The following PSG4 variants were observed in gnomAD, a reference collection of about 807,000 sequenced individuals.
PSG4 encodes pregnancy specific beta-1-glycoprotein 4.
A neutral mutation model predicts 44.3 loss-of-function variants in PSG4; 61 were observed. That is an observed-to-expected ratio of 1.38 (90% CI 1.12 to 1.70). The LOEUF (loss-of-function observed/expected upper bound fraction) is 1.70. PSG4 is among the 40% of genes most tolerant of loss of function. The pLI is 0.00. For synonymous variants in PSG4, 248 were observed against 191.3 expected (o/e 1.30, Z -2.45); for missense variants, 677 against 511.7 (o/e 1.32, Z -3.12).
intron 2 of PSG4, among the ~76,000 whole-genome samples, chr19:43,202,747 G>T (rs1967572943): frequency 6.9e-6 from 1 of 144,994 alleles, no homozygotes; most frequent in Non-Finnish European, 1.5e-5. Context: ...GGTTGAGGCA[G>T]GTGATTTAGT....
In PSG4 at chr19:43,204,031, G is replaced by A. The variant is rs1350727061; in HGVS notation, c.285C>T (p.Tyr95=). 3.8e-6 allele frequency: 6 copies of A among 1,587,546 alleles called. No homozygotes were observed. Among genetic ancestry groups the A allele is most frequent in the African/African-American group, 1.4e-5 (1 of 69,734 alleles). ...TGGAATATACTCTTTCTCTTCCACTGTATGCAGGCCCATATATAATTCTTT... is the reference window on the plus strand; with the variant it reads ...TGGAATATACTCTTTCTCTTCCACTATATGCAGGCCCATATATAATTCTTT... The part of the protein sequence containing the change: ...DGQRIIYGPA[Y]SGRERVYSNA... The change falls in exon 2 of 6, where the codon TAC becomes TAT. Residue 95 remains tyrosine (Y), a synonymous_variant. Coordinates refer to ENST00000405312, the MANE Select transcript of PSG4 (RefSeq NM_002780.5).
chr19:43,202,488 T>C (rs896789311), intron 2 of PSG4, among the ~76,000 whole-genome samples: 1 of 144,846 alleles, frequency 6.9e-6, no homozygotes, highest in Non-Finnish European at 1.5e-5. Flanking sequence ...ATCCAGTCTC[T>C]AAAGAGGTTT....
chr19:43,199,507 C>A (rs1185196403), intron 2 of PSG4, among the ~76,000 whole-genome samples: 1 of 145,544 alleles, frequency 6.9e-6, no homozygotes, highest in Admixed American at 6.8e-5. Context: ...AGTACATGTA[C>A]TGGTTTAGCA....
In PSG4 at chr19:43,201,763, G is replaced by C. The variant is rs1043398620; in HGVS notation, c.430+2123C>G. Among the ~76,000 whole-genome samples, 4 of 145,338 alleles carry C rather than the reference G, an allele frequency of 2.8e-5. 2 individuals carry two copies. The highest frequency in any genetic ancestry group is 1.1e-4 in the African/African-American group (4 of 37,842). ...CTAATCAACCTCCAGCCTCCTGTTTGGCAGACTTGGAGTCGTTAAAATCTT... is the reference window on the plus strand; with the variant it reads ...CTAATCAACCTCCAGCCTCCTGTTTCGCAGACTTGGAGTCGTTAAAATCTT... On this transcript the variant is annotated intron_variant, in intron 2 of 5. Coordinates refer to ENST00000405312, the MANE Select transcript of PSG4 (RefSeq NM_002780.5).
intron 1 of PSG4, chr19:43,204,699 C>CCCCCCCCCCG (rs58719697): frequency 1.0e-5 from 2 of 190,912 alleles, no homozygotes; most frequent in African/African-American, 8.1e-5. Flanking sequence ...TGTCTTCCCC[C>CCCCCCCCCCG]CACGATGACT....
intron 2 of PSG4, among the ~76,000 whole-genome samples, chr19:43,201,100 G>T (rs1967490079): frequency 6.9e-6 from 1 of 145,676 alleles, no homozygotes; most frequent in African/African-American, 2.6e-5. Flanking sequence ...TGGTGAGTCA[G>T]TGCAAAGATT....
chr19:43,205,580 G>A lies in PSG4; in HGVS notation c.-44C>T, dbSNP rs369655730. 3.4e-5 allele frequency: 51 copies of A among 1,505,356 alleles called. 6 individuals carry two copies. In the African/African-American group the frequency reaches 7.4e-4, roughly 22 times the overall value. 93.2% of individuals were successfully genotyped at this position (1,505,356 alleles called of 1,614,324 possible). The stretch of plus-strand genomic sequence containing the variant: ...GTTCTCCTCTGTGGAGATAAGCCTA[G>A]GATCCAGAAGCTTCCTGAGTACGGC... On this transcript the variant is annotated 5_prime_UTR_variant, in exon 1 of 6. Coordinates refer to ENST00000405312, the MANE Select transcript of PSG4 (RefSeq NM_002780.5).
chr19:43,197,849 T>C, intron 3 of PSG4, 148 bp downstream of exon 3: 1 of 1,504,018 alleles, frequency 6.6e-7, no homozygotes. Context: ...CCTACTCTGG[T>C]TTGCCTGGGG....
At position 43,194,134 on chromosome 19, in the gene PSG4, G is replaced by C. The variant is rs550968018; in HGVS notation, c.1243+206C>G. On this transcript the variant is annotated intron_variant, in intron 5 of 5. Transcript: ENST00000405312. ...ATCAATGTTTCTCCTGCTTGGTCTA[G>C]GCTGGGAATTTTAAGAAGATATCAG... The C allele has an allele frequency of 1.9e-4, 277 of 1,424,976 alleles. 4 individuals are homozygous for C. In the East Asian group the frequency reaches 5.4e-3, roughly 28 times the overall value. 88.3% of individuals were successfully genotyped at this position (1,424,976 alleles called of 1,614,324 possible).
At position 43,205,518 on chromosome 19, in the gene PSG4, G is replaced by C. The variant is rs754455356; in HGVS notation, c.19C>G (p.Pro7Ala). Residue 7 changes from proline (P) to alanine (A), a missense_variant, in exon 1 of 6, where the codon CCT (proline) becomes GCT (alanine). Pro to Ala is a conservative substitution (Grantham distance 27). Coordinates refer to ENST00000405312, the MANE Select transcript of PSG4 (RefSeq NM_002780.5). The part of the protein sequence containing the change: MGPLSA[P>A]PCTQRITWKG... ...CAGGTGATGCGCTGTGTGCAGGGAG[G>C]GGCTGAGAGGGGCCCCATGGTCTCT... The C allele has an allele frequency of 6.4e-7, 1 of 1,554,928 alleles. No individual in the cohort carries two copies. The highest frequency in any genetic ancestry group is 8.7e-7 in the Non-Finnish European group (1 of 1,149,986).
rs776064602 is a variant in PSG4, at chr19:43,194,515, G to C, written c.1068C>G (p.Ala356=). Residue 356 remains alanine, a synonymous_variant, in exon 5 of 6, where the codon GCC becomes GCG. Transcript: ENST00000405312. ...AATATTGTGCCCGTGGGTTAGACTC[G>C]GCGAAGCAGGACAAGTAGAGGTTTT... is the stretch of plus-strand genomic sequence containing the variant. ...SGENLYLSCF[A]ESNPRAQYSW... is the part of the protein sequence containing the mutation. 4.3e-6 allele frequency: 7 copies of C among 1,612,350 alleles called. No homozygotes were observed. The African/African-American group carries it at 5.4e-5, about 12-fold the overall frequency.
In PSG4 at chr19:43,203,248, C is replaced by T. The variant is rs769197224; in HGVS notation, c.430+638G>A. On this transcript the variant is annotated intron_variant, in intron 2 of 5. Transcript: ENST00000405312. ...GACATTAGACTTTCTATGGACTCTC[C>T]TAAGCCGATGTCCTACAAAGCTTGT... The T allele has an allele frequency of 4.0e-4, 59 of 148,024 alleles. 3 individuals are homozygous for T. Among genetic ancestry groups the T allele is most frequent in the Non-Finnish European group, 7.4e-4 (51 of 68,900 alleles). The allele number at this position is 148,024 out of a possible 1,614,324, so 9.2% of individuals were successfully genotyped here.
chr19:43,205,290 G>A lies in PSG4; in HGVS notation c.64+183C>T, dbSNP rs1306941442. 2.8e-5 allele frequency among the ~76,000 whole-genome samples: 4 copies of A among 142,402 alleles called. 1 individual carries two copies. Among genetic ancestry groups the A allele is most frequent in the Non-Finnish European group, 6.0e-5 (4 of 66,546 alleles). 93.4% of individuals were successfully genotyped at this position (142,402 alleles called of 152,430 possible). On this transcript the variant is annotated intron_variant, in intron 1 of 5. Coordinates refer to ENST00000405312, the MANE Select transcript of PSG4 (RefSeq NM_002780.5). ...ACCTGGTTAATTTTTTGTGTTTTTA[G>A]TAGAGACAGGGCTTCACAGTGTTGG...
intron 1 of PSG4, 99 bp from the exon 2 acceptor site, chr19:43,204,350 A>T: frequency 2.2e-6 from 3 of 1,345,810 alleles, no homozygotes; most frequent in Non-Finnish European, 3.0e-6. Flanking sequence ...CCTTGAAGAC[A>T]CACAAACACA....
chr19:43,197,050 C>A (rs979655711), intron 3 of PSG4, among the ~76,000 whole-genome samples: 1 of 146,026 alleles, frequency 6.8e-6, no homozygotes, highest in Non-Finnish European at 1.5e-5. Context: ...AATCATTTGA[C>A]CTTTTTGATT....
In PSG4 at chr19:43,204,114, A is replaced by G. The variant is rs1967648172; in HGVS notation, c.202T>C (p.Tyr68His). 6.3e-7 allele frequency: 1 copy of G among 1,587,030 alleles called. No homozygotes were observed. The highest frequency in any genetic ancestry group is 1.1e-5 in the South Asian group (1 of 89,922). ...TAGAGGTATGTCATTTGCCCTTTGT[A>G]CCAAATGTAGCCAGCAAGATTCTGG... ...LPQNLAGYIW[Y>H]KGQMTYLYHY... The change falls in exon 2 of 6, where the codon TAC becomes CAC. Residue 68 changes from tyrosine to histidine, a missense_variant. Physicochemically the swap from Tyr to His is moderately conservative, Grantham distance 83 (BLOSUM62 2). Transcript: ENST00000405312.
In PSG4 at chr19:43,194,074, ATAT is replaced by A. The variant is rs528773695; in HGVS notation, c.1243+263_1243+265del. On this transcript the variant is annotated intron_variant, in intron 5 of 5. Transcript: ENST00000405312. The stretch of plus-strand genomic sequence containing the variant: ...AAATTTTCAAATAAAAATCATAAAA[ATAT>A]TATCCTCAATATTGTCAATTATTTC... 8.1e-4 allele frequency: 972 copies of A among 1,204,270 alleles called. 26 individuals are homozygous for A. In the African/African-American group the frequency reaches 0.014, roughly 17 times the overall value. 74.6% of individuals were successfully genotyped at this position (1,204,270 alleles called of 1,614,324 possible).
At chr19:43,203,576 G>A in intron 2 of PSG4, 1 of 376,268 alleles carries the variant, frequency 2.7e-6, no homozygotes, top group Non-Finnish European at 4.5e-6. Flanking sequence ...AGTTCTCCAG[G>A]GTCTTTGTCA....
At chr19:43,200,376 T>A (rs1395138635) in intron 2 of PSG4, among the ~76,000 whole-genome samples, 5 of 78,162 alleles carry the variant, frequency 6.4e-5, no homozygotes, top group Admixed American at 1.2e-4. Flanking sequence ...GTCCCACAAC[T>A]ACAAAATTTA....
Sources: allele counts gnomAD v4.1 joint callset (sites outside exome capture counted in the v4.1 genomes callset), GRCh38; gene constraint gnomAD v4.1.1; transcripts MANE v1.5; gene names NCBI Gene and HGNC (gene_info 2026-07-23, HGNC 2026-07-21).